Variants in ADAMTS3 observed in about 807,000 individuals in gnomAD.
ADAMTS3 encodes A disintegrin and metalloproteinase with thrombospondin motifs 3.
Under a neutral mutation model 129.0 loss-of-function variants are expected in ADAMTS3, and 73 were observed. That is an observed-to-expected ratio of 0.57 (90% CI 0.47 to 0.69). ADAMTS3 has a LOEUF of 0.69. ADAMTS3 is among the 30% of genes least tolerant of loss of function. ADAMTS3 has a pLI of 0.00. For synonymous variants in ADAMTS3, 477 were observed against 510.8 expected, an observed-to-expected ratio of 0.93 and a Z score of 0.89; for missense variants, 1,457 against 1,514.5, an observed-to-expected ratio of 0.96 and a Z score of 0.63.
At chr4:72,380,919 A>G (rs1721270152) in intron 4 of ADAMTS3, among the ~76,000 whole-genome samples, 1 of 152,180 alleles carries the variant, frequency 6.6e-6, no homozygotes, top group Admixed American at 6.5e-5. Context: ...GTTGCTATAT[A>G]TTGTATACCC....
intron 3 of ADAMTS3, among the ~76,000 whole-genome samples, chr4:72,418,439 TG>T (rs1398162574): frequency 5.9e-5 from 9 of 152,172 alleles, no homozygotes; most frequent in African/African-American, 2.2e-4. Context: ...AAGCTCAGGA[TG>T]GTTTTGGATT....
intron 3 of ADAMTS3, among the ~76,000 whole-genome samples, chr4:72,502,471 T>G (rs1242576428): frequency 6.6e-6 from 1 of 152,138 alleles, no homozygotes; most frequent in Non-Finnish European, 1.5e-5. Context: ...ACCTTTGCCA[T>G]TTTTTATTGT....
chr4:72,502,589 A>AT (rs1720053840), intron 3 of ADAMTS3, among the ~76,000 whole-genome samples: 1 of 151,958 alleles, frequency 6.6e-6, no homozygotes, highest in African/African-American at 2.4e-5. Flanking sequence ...TTGTGTGGAT[A>AT]TTTGGGTCTC....
intron 3 of ADAMTS3, among the ~76,000 whole-genome samples, chr4:72,508,047 C>T (rs1720209582): frequency 6.6e-6 from 1 of 152,088 alleles, no homozygotes; most frequent in Admixed American, 6.6e-5. Context: ...AATTATCATT[C>T]ACCATAACAA....
intron 3 of ADAMTS3, chr4:72,441,900 G>A (rs780386696): frequency 5.9e-5 from 9 of 151,724 alleles, no homozygotes; most frequent in South Asian, 2.1e-4. Flanking sequence ...ACTTAATGAC[G>A]TTGAGGCTGG....
chr4:72,512,612 A>T (rs1463133228), intron 3 of ADAMTS3, among the ~76,000 whole-genome samples: 3 of 152,244 alleles, frequency 2.0e-5, no homozygotes, highest in Non-Finnish European at 4.4e-5. Context: ...CAACTGGATT[A>T]TTTGTAACTC....
intron 4 of ADAMTS3, among the ~76,000 whole-genome samples, chr4:72,413,001 T>C (rs1434556): frequency 0.62 from 93,500 of 151,772 alleles, 29,655 homozygotes; most frequent in South Asian, 0.79. Flanking sequence ...TGTATATACA[T>C]ACGCTGTTAA....
At chr4:72,463,118 A>C (rs1718817707) in intron 3 of ADAMTS3, among the ~76,000 whole-genome samples, 1 of 151,934 alleles carries the variant, frequency 6.6e-6, no homozygotes, top group Non-Finnish European at 1.5e-5. Context: ...ATACACAAAA[A>C]CTTACCACTG....
At position 72,499,001 on chromosome 4, in the gene ADAMTS3, C is replaced by T. The variant is rs754649947; in HGVS notation, c.504+49477G>A. On this transcript the variant is annotated intron_variant, in intron 3 of 21. Transcript: ENST00000286657. ...ACAGACCACTTGCATCATAATCATA[C>T]GGAATATTTGATAAAACTAGAATCT... 1.2e-4 allele frequency among the ~76,000 whole-genome samples: 19 copies of T among 152,016 alleles called. 1 individual carries two copies. Among genetic ancestry groups the T allele is most frequent in the South Asian group, 8.3e-4 (4 of 4,826 alleles).
At chr4:72,518,165 C>T (rs1449299563) in intron 3 of ADAMTS3, among the ~76,000 whole-genome samples, 1 of 152,052 alleles carries the variant, frequency 6.6e-6, no homozygotes, top group Admixed American at 6.6e-5. Flanking sequence ...GTTTCTTAAT[C>T]CTGAGTTCTA....
chr4:72,390,987 A>G (rs149473452), intron 4 of ADAMTS3, among the ~76,000 whole-genome samples: 1 of 152,030 alleles, frequency 6.6e-6, no homozygotes, highest in East Asian at 1.9e-4. Context: ...ATGAGCTAAC[A>G]ACCCTAGATA....
chr4:72,344,687 C>CT (rs554371705), intron 4 of ADAMTS3, among the ~76,000 whole-genome samples: 665 of 152,146 alleles, frequency 4.4e-3, no homozygotes, highest in Non-Finnish European at 6.5e-3. Context: ...GTGCACACCC[C>CT]TTTGGCCCTC....
At position 72,334,013 on chromosome 4, in the gene ADAMTS3, C is replaced by T. The variant is rs975115714; in HGVS notation, c.861+5481G>A. 3.3e-5 allele frequency among the ~76,000 whole-genome samples: 5 copies of T among 151,948 alleles called. No individual in the cohort carries two copies. In the East Asian group the frequency reaches 9.7e-4, roughly 30 times the overall value. ...GGACTACAGGCACCTGCCACCACGC[C>T]TGGCTAAATTTTTGTATTTTTAGTA... On this transcript the variant is annotated intron_variant, in intron 5 of 21. Coordinates refer to ENST00000286657, the MANE Select transcript of ADAMTS3 (RefSeq NM_014243.3).
In ADAMTS3 at chr4:72,541,297, C is replaced by T. The variant is rs536343310; in HGVS notation, c.504+7181G>A. Among the ~76,000 whole-genome samples, 5 of 152,158 alleles carry T rather than the reference C, an allele frequency of 3.3e-5. No homozygotes were observed. The South Asian group carries it at 8.3e-4, about 25-fold the overall frequency. On this transcript the variant is annotated intron_variant, in intron 3 of 21. Transcript: ENST00000286657. ...AGCCCCTTTGTTTTGGCCAGTTTCT[C>T]CCACTTGGAATGGGTGTATTTACCC...
intron 3 of ADAMTS3, among the ~76,000 whole-genome samples, chr4:72,482,250 CA>C (rs1355532322): frequency 6.6e-6 from 1 of 151,824 alleles, no homozygotes; most frequent in Non-Finnish European, 1.5e-5. Flanking sequence ...AAATTGGAAA[CA>C]ACCTGATGTC....
At chr4:72,441,654 C>T (rs1718119875) in intron 3 of ADAMTS3, 1 of 151,692 alleles carries the variant, frequency 6.6e-6, no homozygotes, top group Non-Finnish European at 1.5e-5. Context: ...TTAGGAGTGC[C>T]CTGTTCCTGT....
intron 17 of ADAMTS3, among the ~76,000 whole-genome samples, chr4:72,298,833 T>C (rs1156421102): frequency 6.6e-6 from 1 of 151,698 alleles, no homozygotes; most frequent in Non-Finnish European, 1.5e-5. Flanking sequence ...AATTTTTAAA[T>C]TTTTAAATTT....
At chr4:72,517,546 C>A (rs1405329835) in intron 3 of ADAMTS3, among the ~76,000 whole-genome samples, 1 of 152,184 alleles carries the variant, frequency 6.6e-6, no homozygotes, top group African/African-American at 2.4e-5. Flanking sequence ...GATTCAACTT[C>A]TTCCTGGTTT....
chr4:72,313,243 G>GC (rs1719293656), intron 12 of ADAMTS3, among the ~76,000 whole-genome samples: 2 of 152,114 alleles, frequency 1.3e-5, no homozygotes, highest in Non-Finnish European at 2.9e-5. Context: ...CAGTCACCTG[G>GC]CCTTCTATCA....
Sources: allele counts gnomAD v4.1 joint callset (sites outside exome capture counted in the v4.1 genomes callset), GRCh38; gene constraint gnomAD v4.1.1; transcripts MANE v1.5; gene names NCBI Gene and HGNC (gene_info 2026-07-23, HGNC 2026-07-21).